Variants in MTUS1 observed in about 807,000 individuals in gnomAD.
The protein encoded by MTUS1 is microtubule associated scaffold protein 1.
Under a neutral mutation model 120.8 loss-of-function variants are expected in MTUS1, and 109 were observed. That is an observed-to-expected ratio of 0.90 (90% CI 0.77 to 1.06). The LOEUF (loss-of-function observed/expected upper bound fraction) is 1.06. MTUS1 is among the 50% of genes least tolerant of loss of function. The pLI is 0.00. For synonymous variants in MTUS1, 737 were observed against 550.5 expected (o/e 1.34, Z -4.74); for missense variants, 2,210 against 1,486.3 (o/e 1.49, Z -8.01).
At chr8:17,684,019 G>GA (rs930876295) in intron 7 of MTUS1, among the ~76,000 whole-genome samples, 109 of 152,060 alleles carry the variant, frequency 7.2e-4, no homozygotes, top group Non-Finnish European at 1.1e-3. Context: ...CAAATTAAGT[G>GA]AAAAAAATGC....
chr8:17,689,203 T>G (rs559239034), intron 6 of MTUS1, among the ~76,000 whole-genome samples: 1 of 151,860 alleles, frequency 6.6e-6, no homozygotes, highest in Non-Finnish European at 1.5e-5. Flanking sequence ...AGAGCAAGAC[T>G]CCGTTCTCAA....
rs541012049 is a variant in MTUS1, at chr8:17,687,730, C to G, written c.2624-3188G>C. 5.6e-4 allele frequency among the ~76,000 whole-genome samples: 86 copies of G among 152,284 alleles called. 2 individuals carry two copies. Among genetic ancestry groups the G allele is most frequent in the South Asian group, 5.6e-3 (27 of 4,818 alleles). On this transcript the variant is annotated intron_variant, in intron 6 of 14. Coordinates refer to ENST00000693296, the MANE Select transcript of MTUS1 (RefSeq NM_001363059.2). ...GAAATGGCAGCCTCCATCAGGAAAA[C>G]GAAGGCCAGAACCAAAGACATTTGC... is the stretch of plus-strand genomic sequence containing the variant.
chr8:17,657,466 G>C (rs891948979), intron 8 of MTUS1, among the ~76,000 whole-genome samples: 7 of 150,256 alleles, frequency 4.7e-5, no homozygotes, highest in African/African-American at 1.7e-4. Context: ...TACTTGGGAG[G>C]CTGAGGCAGG....
intron 1 of MTUS1, among the ~76,000 whole-genome samples, chr8:17,766,647 T>C (rs1336773414): frequency 3.9e-5 from 6 of 152,222 alleles, no homozygotes; most frequent in Admixed American, 3.9e-4. Context: ...AAGAAAGTAT[T>C]GTCCTGGTTT....
chr8:17,692,632 G>A (rs183508289), intron 6 of MTUS1, among the ~76,000 whole-genome samples: 106 of 152,188 alleles, frequency 7.0e-4, no homozygotes, highest in African/African-American at 2.3e-3. Context: ...TTCTCTTCAC[G>A]AACACAAAGA....
At chr8:17,695,297 T>C (rs886563047) in intron 6 of MTUS1, among the ~76,000 whole-genome samples, 2 of 152,132 alleles carry the variant, frequency 1.3e-5, no homozygotes, top group Admixed American at 6.5e-5. Context: ...TACAGCAAAA[T>C]TTGCAGCTGG....
intron 1 of MTUS1, among the ~76,000 whole-genome samples, chr8:17,797,864 T>C (rs960349005): frequency 1.3e-5 from 2 of 152,166 alleles, no homozygotes; most frequent in Middle Eastern, 3.2e-3. Flanking sequence ...ACTTTCAGGG[T>C]ATATTCAAGC....
chr8:17,701,828 C>A (rs557434875), intron 6 of MTUS1, among the ~76,000 whole-genome samples: 2 of 152,146 alleles, frequency 1.3e-5, no homozygotes, highest in East Asian at 3.8e-4. Context: ...GGATTACAAG[C>A]GTGAGCCACC....
intron 6 of MTUS1, among the ~76,000 whole-genome samples, chr8:17,685,625 A>C (rs750134268): frequency 6.6e-6 from 1 of 152,226 alleles, no homozygotes; most frequent in South Asian, 2.1e-4. Flanking sequence ...GTGATTGCTT[A>C]AAGAAACATC....
chr8:17,694,382 T>G (rs748010664), intron 6 of MTUS1, among the ~76,000 whole-genome samples: 1 of 152,178 alleles, frequency 6.6e-6, no homozygotes, highest in Non-Finnish European at 1.5e-5. Context: ...AAGGTGAGGT[T>G]TGGCCAGACG....
rs141478095 is a variant in MTUS1, at chr8:17,687,617, C to T, written c.2624-3075G>A. Reference sequence around the variant, plus strand: ...TTTAATCAGAAACCTTAAAATTAAACGTCAACTTCTATATCGATTCAGATT... The same window carrying T: ...TTTAATCAGAAACCTTAAAATTAAATGTCAACTTCTATATCGATTCAGATT... On this transcript the variant is annotated intron_variant, in intron 6 of 14. Coordinates refer to ENST00000693296, the MANE Select transcript of MTUS1 (RefSeq NM_001363059.2). 1.5e-3 allele frequency among the ~76,000 whole-genome samples: 224 copies of T among 152,228 alleles called. 3 individuals carry two copies. Among genetic ancestry groups the T allele is most frequent in the African/African-American group, 4.6e-3 (189 of 41,534 alleles).
At chr8:17,729,716 T>G (rs1345859587) in intron 3 of MTUS1, among the ~76,000 whole-genome samples, 1 of 152,042 alleles carries the variant, frequency 6.6e-6, no homozygotes, top group Non-Finnish European at 1.5e-5. Context: ...GGAATTGAAT[T>G]TTTAAAACAT....
intron 1 of MTUS1, chr8:17,758,167 A>G (rs901262775): frequency 2.0e-5 from 3 of 152,214 alleles, no homozygotes; most frequent in African/African-American, 7.2e-5. Flanking sequence ...TCATTTTTCT[A>G]TCTTGCAGCG....
chr8:17,767,700 T>TA (rs112048837), intron 1 of MTUS1, among the ~76,000 whole-genome samples: 24,178 of 87,752 alleles, frequency 0.28, 2,902 homozygotes, highest in South Asian at 0.55. Flanking sequence ...CCCTGTCTCT[T>TA]AAAAAAAAAA....
chr8:17,711,408 AAG>A (rs1821276118), intron 6 of MTUS1, among the ~76,000 whole-genome samples: 1 of 152,094 alleles, frequency 6.6e-6, no homozygotes. Flanking sequence ...TCATGTTATG[AAG>A]AGTTACCTTA....
chr8:17,646,242 T>A, intron 14 of MTUS1, 103 bp from the exon 15 acceptor site: 1 of 1,259,580 alleles, frequency 7.9e-7, no homozygotes, highest in Non-Finnish European at 1.1e-6. Context: ...ATTATTCCTT[T>A]GGGATAAAAC....
chr8:17,659,944 A>G (rs1809314425), intron 8 of MTUS1, among the ~76,000 whole-genome samples: 1 of 152,092 alleles, frequency 6.6e-6, no homozygotes, highest in Non-Finnish European at 1.5e-5. Flanking sequence ...GAATCTGACC[A>G]TTCAGTACCT....
Position 17,755,972 on chromosome 8 carries a change from T to G in MTUS1, c.-154-11A>C. On this transcript the variant is annotated splice_polypyrimidine_tract_variant and intron_variant, in intron 1 of 14. Coordinates refer to ENST00000693296, the MANE Select transcript of MTUS1 (RefSeq NM_001363059.2). ...ATGATTTGTTGTTCCCTGGAAGAAA[T>G]AAAATGTTTAACTCAAGTAACTATA... 7.1e-7 allele frequency: 1 copy of G among 1,408,308 alleles called. No homozygotes were observed. Among genetic ancestry groups the G allele is most frequent in the Non-Finnish European group, 9.2e-7 (1 of 1,085,820 alleles). 87.2% of individuals were successfully genotyped at this position (1,408,308 alleles called of 1,614,324 possible).
chr8:17,693,859 T>C (rs2130852358), intron 6 of MTUS1, among the ~76,000 whole-genome samples: 1 of 152,320 alleles, frequency 6.6e-6, no homozygotes, highest in South Asian at 2.1e-4. Flanking sequence ...TTATGCCTGG[T>C]ACACAGTACT....
Sources: allele counts gnomAD v4.1 joint callset (sites outside exome capture counted in the v4.1 genomes callset), GRCh38; gene constraint gnomAD v4.1.1; transcripts MANE v1.5; gene names NCBI Gene and HGNC (gene_info 2026-07-23, HGNC 2026-07-21).